The following ALDH1A2 variants were observed in gnomAD, a reference collection of about 807,000 sequenced individuals.
ALDH1A2 encodes the protein retinal dehydrogenase 2.
ALDH1A2 carries 27 observed loss-of-function variants against 60.3 expected under a neutral mutation model. The observed-to-expected ratio is 0.45, with a 90% confidence interval of 0.33 to 0.62. ALDH1A2 has a LOEUF of 0.62. Among genes scored for constraint, ALDH1A2 ranks in the 20% least tolerant of loss-of-function variants. ALDH1A2 has a pLI of 0.02. For missense variants in ALDH1A2, 581 were observed against 643.8 expected, an observed-to-expected ratio of 0.90 and a Z score of 1.06; for synonymous variants, 289 against 232.4, an observed-to-expected ratio of 1.24 and a Z score of -2.21.
At chr15:57,972,107 C>A (rs1894088658) in intron 7 of ALDH1A2, among the ~76,000 whole-genome samples, 1 of 151,884 alleles carries the variant, frequency 6.6e-6, no homozygotes, top group Non-Finnish European at 1.5e-5. Context: ...CATGACAAAA[C>A]TGGGAGGCAG....
chr15:58,059,601 C>T (rs569632012), intron 1 of ALDH1A2, among the ~76,000 whole-genome samples: 1 of 152,276 alleles, frequency 6.6e-6, no homozygotes, highest in South Asian at 2.1e-4. Flanking sequence ...CCAGAAACGT[C>T]TATTTGCAAC....
Position 58,057,927 on chromosome 15 carries a change from T to C in ALDH1A2, c.117+7607A>G, listed in dbSNP as rs1896937031. 1.2e-5 allele frequency: 9 copies of C among 734,108 alleles called. No homozygotes were observed. The South Asian group carries it at 4.3e-4, about 35-fold the overall frequency. The allele number at this position is 734,108 out of a possible 1,614,324, so 45.5% of individuals were successfully genotyped here. A position where few individuals can be genotyped will look rare whatever the true frequency, so the allele number is the denominator to read the frequency against. Reference sequence around the variant, plus strand: ...AAAAATAAAAATGACCCTGAGATAATAAAAATTAAAATTAAATTTTATAAT... The same window carrying C: ...AAAAATAAAAATGACCCTGAGATAACAAAAATTAAAATTAAATTTTATAAT... On this transcript the variant is annotated intron_variant, in intron 1 of 12. Coordinates refer to ENST00000249750, the MANE Select transcript of ALDH1A2 (RefSeq NM_003888.4).
intron 1 of ALDH1A2, among the ~76,000 whole-genome samples, chr15:58,028,216 A>T (rs1307039349): frequency 6.6e-6 from 1 of 152,230 alleles, no homozygotes; most frequent in African/African-American, 2.4e-5. Flanking sequence ...CAGAAGCTCT[A>T]AAAGCCAGAA....
chr15:58,004,693 T>TTGTG (rs138706461), intron 4 of ALDH1A2, among the ~76,000 whole-genome samples: 8,817 of 136,900 alleles, frequency 0.064, 407 homozygotes, highest in South Asian at 0.14. Context: ...ATCCCATGAT[T>TTGTG]TGTGTGTGTG....
chr15:58,032,608 A>G (rs1045236190), intron 1 of ALDH1A2, among the ~76,000 whole-genome samples: 2 of 152,118 alleles, frequency 1.3e-5, no homozygotes, highest in Non-Finnish European at 2.9e-5. Flanking sequence ...ACTATGGAAA[A>G]CAGTGTATGT....
intron 1 of ALDH1A2, among the ~76,000 whole-genome samples, chr15:58,045,424 A>G (rs902964142): frequency 6.6e-6 from 1 of 152,080 alleles, no homozygotes; most frequent in Non-Finnish European, 1.5e-5. Flanking sequence ...AAATCATGCT[A>G]CTATAAAGAC....
rs1021225519 is a variant in ALDH1A2 at position 57,991,003 on chromosome 15, T to G, written c.798+1702A>C. On this transcript the variant is annotated intron_variant, in intron 7 of 12. Transcript: ENST00000249750. ...TAAATATTTCATTTCTCCAGTCTTTTGATATAGAACCAAGAACTTTACTTA... is the reference window on the plus strand; with the variant it reads ...TAAATATTTCATTTCTCCAGTCTTTGGATATAGAACCAAGAACTTTACTTA... Among the ~76,000 whole-genome samples, 4 of 152,316 alleles carry G rather than the reference T, an allele frequency of 2.6e-5. No homozygotes were observed. In the East Asian group the frequency reaches 7.7e-4, roughly 29 times the overall value.
chr15:58,030,183 T>G (rs981463067), intron 1 of ALDH1A2, among the ~76,000 whole-genome samples: 1 of 152,192 alleles, frequency 6.6e-6, no homozygotes, highest in African/African-American at 2.4e-5. Flanking sequence ...TCAAAAAGCT[T>G]ATCCAACACA....
intron 4 of ALDH1A2, 136 bp downstream of exon 4, chr15:58,010,513 G>T: frequency 1.8e-6 from 2 of 1,126,356 alleles, no homozygotes; most frequent in South Asian, 1.5e-5. Flanking sequence ...TAATTTGGTT[G>T]GTTCTTCACT....
intron 7 of ALDH1A2, among the ~76,000 whole-genome samples, chr15:57,972,142 G>A (rs575022281): frequency 9.2e-5 from 11 of 119,456 alleles, no homozygotes; most frequent in Non-Finnish European, 1.8e-4. Context: ...TTTTATAATT[G>A]GAAAAAAAGA....
At chr15:57,987,773 T>A (rs1024724614) in intron 7 of ALDH1A2, among the ~76,000 whole-genome samples, 17 of 151,122 alleles carry the variant, frequency 1.1e-4, no homozygotes, top group African/African-American at 4.1e-4. Flanking sequence ...TAGTCCCAGC[T>A]ACTCGGAAGG....
chr15:58,008,226 C>T (rs1315999673), intron 4 of ALDH1A2, among the ~76,000 whole-genome samples: 2 of 152,062 alleles, frequency 1.3e-5, no homozygotes, highest in Non-Finnish European at 2.9e-5. Context: ...ACTCTAAATG[C>T]ACTTTCAGAA....
intron 1 of ALDH1A2, among the ~76,000 whole-genome samples, chr15:58,021,375 A>G (rs2140527314): frequency 6.6e-6 from 1 of 152,310 alleles, no homozygotes; most frequent in South Asian, 2.1e-4. Context: ...AAAGTAAGAA[A>G]AGAGGTTGCC....
At chr15:58,041,529 G>A (rs1187380678) in intron 1 of ALDH1A2, among the ~76,000 whole-genome samples, 1 of 151,882 alleles carries the variant, frequency 6.6e-6, no homozygotes, top group Non-Finnish European at 1.5e-5. Flanking sequence ...CAAGGCACTG[G>A]CAGATTCAGT....
chr15:57,972,010 G>A (rs1464042975), intron 7 of ALDH1A2, among the ~76,000 whole-genome samples: 18 of 152,200 alleles, frequency 1.2e-4, no homozygotes, highest in African/African-American at 2.4e-4. Context: ...AATTATGGGC[G>A]TGAGCCATCG....
intron 9 of ALDH1A2, among the ~76,000 whole-genome samples, chr15:57,963,381 T>C (rs1893790941): frequency 6.6e-6 from 1 of 151,226 alleles, no homozygotes; most frequent in African/African-American, 2.4e-5. Context: ...AGTCTTGCTC[T>C]TTCGCCCAGG....
chr15:57,956,804 G>T lies in ALDH1A2; in HGVS notation c.1485-1535C>A, dbSNP rs1364114473. Among the ~76,000 whole-genome samples, 3 of 152,196 alleles carry T rather than the reference G, an allele frequency of 2.0e-5. No homozygotes were observed. The East Asian group carries it at 5.8e-4, about 29-fold the overall frequency. The stretch of plus-strand genomic sequence containing the variant: ...AAGTGAATTTACTCCTTTGTTTCCT[G>T]GCTTCTGCACGCACTTGTTGGGGCA... On this transcript the variant is annotated intron_variant, in intron 12 of 12. Coordinates refer to ENST00000249750, the MANE Select transcript of ALDH1A2 (RefSeq NM_003888.4).
chr15:58,034,200 T>C (rs1347637002), intron 1 of ALDH1A2, among the ~76,000 whole-genome samples: 1 of 151,700 alleles, frequency 6.6e-6, no homozygotes, highest in Non-Finnish European at 1.5e-5. Context: ...CATATTTTAT[T>C]ATATTTATTC....
At position 57,985,318 on chromosome 15, in the gene ALDH1A2, T is replaced by C. The variant is rs1894660843; in HGVS notation, c.798+7387A>G. Among the ~76,000 whole-genome samples the C allele has an allele frequency of 2.0e-5, 3 of 152,288 alleles. No individual in the cohort carries two copies. In the South Asian group the frequency reaches 6.2e-4, roughly 32 times the overall value. ...CTACTTATCTATATCCTACAGACCC[T>C]CAAATCCCTCTTTCTCTTGAAACCT... On this transcript the variant is annotated intron_variant, in intron 7 of 12. Transcript: ENST00000249750.
Sources: allele counts gnomAD v4.1 joint callset (sites outside exome capture counted in the v4.1 genomes callset), GRCh38; gene constraint gnomAD v4.1.1; transcripts MANE v1.5; gene names NCBI Gene and HGNC (gene_info 2026-07-23, HGNC 2026-07-21).